RPSA2: variants seen among roughly 807,000 people sequenced by gnomAD.
The protein encoded by RPSA2 is ribosomal protein SA 2, also known as small ribosomal subunit protein uS2B.
At chr19:23,764,360 A>G in the RPSA2 span, among the ~76,000 whole-genome samples, 1 of 152,228 alleles carries the variant, frequency 6.6e-6, no homozygotes, top group East Asian at 1.9e-4. Context: ...CCTCTCTCCA[A>G]TTTACAACAC....
At chr19:23,847,466 C>T in the RPSA2 span, among the ~76,000 whole-genome samples, 1 of 152,070 alleles carries the variant, frequency 6.6e-6, no homozygotes, top group African/African-American at 2.4e-5. Flanking sequence ...TCGGTAGGAC[C>T]ATGATGCCCA....
At chr19:23,810,438 A>G in the RPSA2 span, among the ~76,000 whole-genome samples, 4 of 5,882 alleles carry the variant, frequency 6.8e-4, 2 homozygotes, top group Non-Finnish European at 0.016. Flanking sequence ...GGGCTTGGAT[A>G]GTTGTAGTTT....
At chr19:23,870,633 C>A in the RPSA2 span, among the ~76,000 whole-genome samples, 19 of 152,292 alleles carry the variant, frequency 1.2e-4, no homozygotes, top group Middle Eastern at 6.8e-3. Flanking sequence ...TTGGAACTAT[C>A]TAAAGTACCA....
chr19:23,767,112 T>C, the RPSA2 span, among the ~76,000 whole-genome samples: 1 of 151,964 alleles, frequency 6.6e-6, no homozygotes, highest in Admixed American at 6.5e-5. Context: ...GCCCAGCTAA[T>C]TGTATTTTTA....
At chr19:23,777,728 C>T in the RPSA2 span, among the ~76,000 whole-genome samples, 1 of 152,134 alleles carries the variant, frequency 6.6e-6, no homozygotes, top group Non-Finnish European at 1.5e-5. Flanking sequence ...TGAGCCTTGC[C>T]CACAAGAACA....
chr19:23,851,627 G>T, the RPSA2 span, among the ~76,000 whole-genome samples: 1 of 152,154 alleles, frequency 6.6e-6, no homozygotes, highest in African/African-American at 2.4e-5. Flanking sequence ...GGGAAACCCT[G>T]TAAGGCAGTA....
At chr19:23,848,881 G>T in the RPSA2 span, among the ~76,000 whole-genome samples, 1 of 152,206 alleles carries the variant, frequency 6.6e-6, no homozygotes, top group African/African-American at 2.4e-5. Flanking sequence ...CACTCCAGCA[G>T]TGGTGACCAG....
chr19:23,824,892 ATT>A, the RPSA2 span, among the ~76,000 whole-genome samples: 8 of 149,746 alleles, frequency 5.3e-5, no homozygotes, highest in South Asian at 2.1e-4. Flanking sequence ...TAACCTCTGT[ATT>A]TTTTTTCTTC....
the RPSA2 span, among the ~76,000 whole-genome samples, chr19:23,769,139 A>T: frequency 6.6e-6 from 1 of 152,180 alleles, no homozygotes; most frequent in Admixed American, 6.5e-5. Context: ...TCTCCCTGGG[A>T]CCTGTCCACA....
the RPSA2 span, among the ~76,000 whole-genome samples, chr19:23,864,305 A>G: frequency 6.6e-6 from 1 of 152,176 alleles, no homozygotes; most frequent in South Asian, 2.1e-4. Context: ...AATTTCAAAC[A>G]TGTATTTCTT....
the RPSA2 span, chr19:23,790,879 C>T: frequency 2.6e-5 from 13 of 506,442 alleles, 1 homozygote; most frequent in African/African-American, 2.0e-4. Flanking sequence ...GCTCCACAAT[C>T]TGCACCCTGA....
the RPSA2 span, among the ~76,000 whole-genome samples, chr19:23,857,246 A>T: frequency 6.6e-6 from 1 of 152,240 alleles, no homozygotes; most frequent in Non-Finnish European, 1.5e-5. Context: ...CACAGTTATC[A>T]CAGGGTCCTG....
chr19:23,789,019 C>CTTTTTTTTTTTTT, the RPSA2 span, among the ~76,000 whole-genome samples: 2,056 of 112,360 alleles, frequency 0.018, 81 homozygotes, highest in Non-Finnish European at 0.025. Context: ...TTTTTTCTTT[C>CTTTTTTTTTTTTT]TTTCTTTTTT....
the RPSA2 span, among the ~76,000 whole-genome samples, chr19:23,779,150 G>A: frequency 8.2e-4 from 124 of 151,992 alleles, no homozygotes; most frequent in African/African-American, 2.9e-3. Context: ...ACAGGCGCCC[G>A]CCACCACACC....
chr19:23,827,042 T>G, the RPSA2 span: 1 of 683,416 alleles, frequency 1.5e-6, no homozygotes, highest in South Asian at 1.6e-5. Flanking sequence ...GAAAGATATT[T>G]GCATTGCTTT....
the RPSA2 span, among the ~76,000 whole-genome samples, chr19:23,793,565 C>CT: frequency 0.013 from 1,897 of 145,796 alleles, 15 homozygotes; most frequent in Middle Eastern, 0.018. Flanking sequence ...AAGCAATCTT[C>CT]TTTTTTTTTT....
the RPSA2 span, among the ~76,000 whole-genome samples, chr19:23,859,356 C>T: frequency 3.9e-5 from 6 of 152,062 alleles, no homozygotes; most frequent in Non-Finnish European, 2.9e-5. Context: ...AGGCTGGGTG[C>T]GATGCCTCAC....
chr19:23,854,659 C>T, the RPSA2 span, among the ~76,000 whole-genome samples: 1 of 152,168 alleles, frequency 6.6e-6, no homozygotes, highest in Non-Finnish European at 1.5e-5. Flanking sequence ...CAGCATTTGG[C>T]TGTGTTTATT....
the RPSA2 span, among the ~76,000 whole-genome samples, chr19:23,863,816 C>T: frequency 1.6e-4 from 24 of 152,248 alleles, no homozygotes; most frequent in African/African-American, 5.5e-4. Context: ...AACCACTCCA[C>T]TTCCCCAATA....
Sources: gnomAD v4.1 joint callset for allele counts (sites outside exome capture counted in the v4.1 genomes callset) on GRCh38, gnomAD v4.1.1 for gene constraint, MANE v1.5 for transcripts, NCBI Gene and HGNC (gene_info 2026-07-23, HGNC 2026-07-21) for gene names.